Variants in LMF1 observed in about 807,000 individuals in gnomAD.
The protein encoded by LMF1 is transmembrane protein 112.
In LMF1, 68 loss-of-function variants were observed where a neutral mutation model predicts 60.6. That is an observed-to-expected ratio of 1.12 (90% confidence interval 0.92 to 1.37). The LOEUF is 1.37. LMF1 is among the 40% of genes most tolerant of loss of function. The pLI, the probability that LMF1 is intolerant of heterozygous loss-of-function variation, is 0.00. For synonymous variants in LMF1, 418 were observed against 324.7 expected (o/e 1.29, Z -3.09); for missense variants, 948 against 767.2 (o/e 1.24, Z -2.78).
chr16:871,586 T>A, intron 6 of LMF1: 1 of 550,784 alleles, frequency 1.8e-6, no homozygotes, highest in Admixed American at 3.2e-5. Flanking sequence ...CACATTTCTG[T>A]GCAGGTTCTG....
chr16:922,579 C>G (rs111230905), intron 3 of LMF1, among the ~76,000 whole-genome samples: 6,534 of 95,386 alleles, frequency 0.069, 30 homozygotes, highest in Non-Finnish European at 0.097. Flanking sequence ...AAGGCCCTGT[C>G]TGAAAGTCGC....
At chr16:879,021 G>A (rs2070080768) in intron 6 of LMF1, among the ~76,000 whole-genome samples, 1 of 152,060 alleles carries the variant, frequency 6.6e-6, no homozygotes, top group Non-Finnish European at 1.5e-5. Context: ...CCTTCGAGGC[G>A]CCCTCAATGC....
intron 5 of LMF1, among the ~76,000 whole-genome samples, chr16:883,396 A>T (rs2070222218): frequency 6.6e-6 from 1 of 152,264 alleles, no homozygotes; most frequent in South Asian, 2.1e-4. Context: ...TCACAGGACC[A>T]GGAGAAAGAT....
chr16:887,132 A>G (rs1330892873), intron 5 of LMF1: 2 of 152,130 alleles, frequency 1.3e-5, no homozygotes, highest in Admixed American at 6.5e-5. Context: ...GGTGACCCAC[A>G]GTCTGAGCGG....
intron 5 of LMF1, among the ~76,000 whole-genome samples, chr16:887,289 C>T (rs1397691581): frequency 6.6e-6 from 1 of 152,210 alleles, no homozygotes; most frequent in Non-Finnish European, 1.5e-5. Context: ...CAGCCCCAGC[C>T]GCTGTGCTCT....
At position 868,978 on chromosome 16, in the gene LMF1, C is replaced by A. The variant is rs1567150522; in HGVS notation, c.1495G>T (p.Ala499Ser). 1 of 1,612,224 alleles carries A rather than the reference C, an allele frequency of 6.2e-7. No homozygotes were observed. The stretch of plus-strand genomic sequence containing the variant: ...GGCCTGCCCGCGAAGGGGTTGTGTG[C>A]CAGCAGGGACAAGGCCTCGGCGTCG... ...ASDAEALSLL[A>S]HNPFAGRPPP... Residue 499 changes from alanine (A) to serine (S), a missense_variant, in exon 10 of 11, where the codon GCA (alanine) becomes TCA (serine). By Grantham distance (99) the Ala-to-Ser change is moderately conservative. Transcript: ENST00000262301.
chr16:920,689 T>C (rs1319430948), intron 3 of LMF1, among the ~76,000 whole-genome samples: 7 of 152,128 alleles, frequency 4.6e-5, no homozygotes, highest in Non-Finnish European at 8.8e-5. Flanking sequence ...CCCCCAAATA[T>C]TGGCAAAAAT....
intron 1 of LMF1, among the ~76,000 whole-genome samples, chr16:960,179 A>G (rs1320291564): frequency 6.6e-6 from 1 of 152,224 alleles, no homozygotes; most frequent in African/African-American, 2.4e-5. Context: ...GAGAAACAGA[A>G]GCTGGGCCGG....
At chr16:942,025 C>T (rs2072112551) in intron 2 of LMF1, among the ~76,000 whole-genome samples, 1 of 152,348 alleles carries the variant, frequency 6.6e-6, no homozygotes, top group Middle Eastern at 3.4e-3. Context: ...TTCTGCCTAG[C>T]AATAATTCTT....
intron 1 of LMF1, among the ~76,000 whole-genome samples, chr16:958,800 T>C (rs562403534): frequency 2.0e-5 from 3 of 152,166 alleles, no homozygotes; most frequent in South Asian, 4.2e-4. Context: ...GGCAGGAGAA[T>C]TGCTTGAACC....
At chr16:929,598 CA>C (rs1331824311) in intron 3 of LMF1, among the ~76,000 whole-genome samples, 3 of 152,198 alleles carry the variant, frequency 2.0e-5, no homozygotes, top group African/African-American at 7.2e-5. Flanking sequence ...CACTGAATAT[CA>C]AAAGGTGCAC....
intron 3 of LMF1, among the ~76,000 whole-genome samples, chr16:912,910 G>A (rs548917178): frequency 1.3e-5 from 2 of 152,352 alleles, no homozygotes; most frequent in South Asian, 2.1e-4. Flanking sequence ...CTGCCAGGGC[G>A]GCCTCAGCGC....
At chr16:931,821 C>G (rs1466808069) in intron 3 of LMF1, 8 of 1,275,724 alleles carry the variant, frequency 6.3e-6, no homozygotes, top group Non-Finnish European at 8.2e-6. Flanking sequence ...ACATGAAACT[C>G]AGGCTCACGA....
intron 5 of LMF1, among the ~76,000 whole-genome samples, chr16:887,673 G>A (rs541326425): frequency 3.3e-5 from 5 of 152,270 alleles, no homozygotes; most frequent in South Asian, 4.1e-4. Context: ...CAGAGTGCGC[G>A]CTCCTAGCAT....
chr16:879,576 C>T lies in LMF1; in HGVS notation c.891G>A (p.Leu297=), dbSNP rs1419405301. ...ACIIHGVLQI[L]FQAVLIVSGN... The stretch of plus-strand genomic sequence containing the variant: ...GCGGGCGGCGCGGGCTCACCTGGAA[C>T]AGGATCTGCAGCACCCCGTGGATGA... Residue 297 remains leucine, a synonymous_variant, in exon 6 of 11, where the codon CTG becomes CTA. Transcript: ENST00000262301. The T allele has an allele frequency of 1.9e-6, 3 of 1,612,758 alleles. No homozygotes were observed. Among genetic ancestry groups the T allele is most frequent in the South Asian group, 1.1e-5 (1 of 91,038 alleles).
At chr16:910,717 G>T (rs951854705) in intron 4 of LMF1, among the ~76,000 whole-genome samples, 2 of 152,118 alleles carry the variant, frequency 1.3e-5, no homozygotes, top group African/African-American at 2.4e-5. Flanking sequence ...CAGAAACAGG[G>T]ATCATGAGCA....
intron 10 of LMF1, among the ~76,000 whole-genome samples, chr16:866,446 G>A (rs1458969105): frequency 6.6e-6 from 1 of 152,138 alleles, no homozygotes; most frequent in Non-Finnish European, 1.5e-5. Context: ...TGACTTTCTG[G>A]TAGCTATTAC....
chr16:853,794 A>G lies in LMF1; in HGVS notation c.*738T>C, dbSNP rs1205203000. The stretch of plus-strand genomic sequence containing the variant: ...TGTCCTCCGATTGAGGGGCCTTGTC[A>G]AGGCCTCAGAGGCAGCGAGGTCACA... On this transcript the variant is annotated 3_prime_UTR_variant, in exon 11 of 11. Coordinates refer to ENST00000262301, the MANE Select transcript of LMF1 (RefSeq NM_022773.4). 2 of 453,996 alleles carry G rather than the reference A, an allele frequency of 4.4e-6. No individual in the cohort carries two copies. Among genetic ancestry groups the G allele is most frequent in the Non-Finnish European group, 4.4e-6 (1 of 226,790 alleles). 28.1% of individuals were successfully genotyped at this position (453,996 alleles called of 1,614,324 possible). A position where few individuals can be genotyped will look rare whatever the true frequency, so the allele number is the denominator to read the frequency against.
intron 2 of LMF1, among the ~76,000 whole-genome samples, chr16:943,982 G>C (rs1453011633): frequency 6.6e-6 from 1 of 152,222 alleles, no homozygotes. Flanking sequence ...TTCCTTTGGA[G>C]AGTGAATGAG....
Sources: allele counts gnomAD v4.1 joint callset (sites outside exome capture counted in the v4.1 genomes callset), GRCh38; gene constraint gnomAD v4.1.1; transcripts MANE v1.5; gene names NCBI Gene and HGNC (gene_info 2026-07-23, HGNC 2026-07-21).